Variants in TM6SF1 observed in about 807,000 individuals in gnomAD.
The protein encoded by TM6SF1 is transmembrane 6 superfamily member 1.
TM6SF1 carries 43 observed loss-of-function variants against 47.1 expected under a neutral mutation model. That is an observed-to-expected ratio of 0.91 (90% confidence interval 0.72 to 1.18). TM6SF1 has a LOEUF of 1.18. Among genes scored for constraint, TM6SF1 ranks in the 50% most tolerant of loss-of-function variants. TM6SF1 has a pLI of 0.00. For synonymous variants in TM6SF1, 177 were observed against 166.3 expected (o/e 1.06, Z -0.49); for missense variants, 390 against 449.0 (o/e 0.87, Z 1.19).
rs187676983 is a variant in TM6SF1, at chr15:83,112,127, C to T, written c.93-670C>T. ...GCCACTCCCTTTCCTGTAGAACATC[C>T]AGGGGATGTACTCAACTAAGCTTCA... is the stretch of plus-strand genomic sequence containing the variant. On this transcript the variant is annotated intron_variant, in intron 1 of 9. Coordinates refer to ENST00000322019, the MANE Select transcript of TM6SF1 (RefSeq NM_023003.5). Among the ~76,000 whole-genome samples the T allele has an allele frequency of 1.1e-4, 16 of 152,164 alleles. No individual in the cohort carries two copies. The East Asian group carries it at 3.1e-3, about 29-fold the overall frequency.
In TM6SF1 at chr15:83,125,431, A is replaced by T. The variant is rs559177934; in HGVS notation, c.708+655A>T. Among the ~76,000 whole-genome samples the T allele has an allele frequency of 3.2e-4, 48 of 152,336 alleles. No individual in the cohort carries two copies. The South Asian group carries it at 8.9e-3, about 28-fold the overall frequency. Reference sequence around the variant, plus strand: ...CCACTTACTAGCTGTGTGGCCTTGGAAAAACTACTTAACCTCTTGGACTCT... The same window carrying T: ...CCACTTACTAGCTGTGTGGCCTTGGTAAAACTACTTAACCTCTTGGACTCT... On this transcript the variant is annotated intron_variant, in intron 7 of 9. Transcript: ENST00000322019.
intron 1 of TM6SF1, among the ~76,000 whole-genome samples, chr15:83,108,692 C>T (rs1172552107): frequency 6.6e-6 from 1 of 152,192 alleles, no homozygotes; most frequent in African/African-American, 2.4e-5. Context: ...AAGTAACCTG[C>T]TATGTCTCTC....
At position 83,107,739 on chromosome 15, in the gene TM6SF1, C is replaced by G; in HGVS notation, c.59C>G (p.Thr20Ser). Residue 20 changes from threonine (T) to serine (S), a missense_variant, in exon 1 of 10, where the codon ACC becomes AGC. Coordinates refer to ENST00000322019, the MANE Select transcript of TM6SF1 (RefSeq NM_023003.5). This position sits in a 1 kb window ranked among gnomAD's most constrained non-coding sequence, Gnocchi z 5.6. ...FVLSLSAIPV[T>S]YVFNHLAAQH... Reference sequence around the variant, plus strand: ...CTGTCCCTCTCGGCCATCCCGGTCACCTATGTCTTCAACCACCTGGCGGCC... The same window carrying G: ...CTGTCCCTCTCGGCCATCCCGGTCAGCTATGTCTTCAACCACCTGGCGGCC... 1 of 1,584,418 alleles carries G rather than the reference C, an allele frequency of 6.3e-7. No homozygotes were observed. Among genetic ancestry groups the G allele is most frequent in the South Asian group, 1.1e-5 (1 of 87,624 alleles).
intron 7 of TM6SF1, among the ~76,000 whole-genome samples, chr15:83,125,230 T>C (rs1338564994): frequency 2.6e-5 from 4 of 152,208 alleles, no homozygotes; most frequent in Admixed American, 2.0e-4. Flanking sequence ...CATGGGAATG[T>C]CTCACTGGTA....
At chr15:83,115,122 C>CT (rs913490363) in intron 2 of TM6SF1, 3,056 of 146,438 alleles carry the variant, frequency 0.021, 38 homozygotes, top group Non-Finnish European at 0.031. Flanking sequence ...AAGTCATTGT[C>CT]TTTTTTTTTT....
At chr15:83,112,236 G>A (rs924998229) in intron 1 of TM6SF1, among the ~76,000 whole-genome samples, 3 of 152,178 alleles carry the variant, frequency 2.0e-5, no homozygotes, top group South Asian at 2.1e-4. Context: ...CTGGCCTCAG[G>A]TCTAGTCCAG....
chr15:83,127,876 C>T (rs1375679693), intron 9 of TM6SF1: 2 of 208,304 alleles, frequency 9.6e-6, no homozygotes, highest in Non-Finnish European at 1.9e-5. Context: ...TTCCACTACG[C>T]TATGCTATAC....
chr15:83,127,251 T>C (rs2151376498), intron 8 of TM6SF1, 107 bp from the exon 9 acceptor site: 2 of 1,167,904 alleles, frequency 1.7e-6, no homozygotes, highest in African/African-American at 1.6e-5. Flanking sequence ...ATATAGGAAA[T>C]AGGAATTAAT....
intron 1 of TM6SF1, among the ~76,000 whole-genome samples, chr15:83,108,478 G>A (rs1300641293): frequency 1.3e-5 from 2 of 152,122 alleles, no homozygotes; most frequent in Admixed American, 1.3e-4. Flanking sequence ...ACAGGCAGCA[G>A]AGGCAGAACA....
intron 6 of TM6SF1, among the ~76,000 whole-genome samples, chr15:83,123,479 C>G (rs1218693562): frequency 6.6e-6 from 1 of 152,136 alleles, no homozygotes; most frequent in African/African-American, 2.4e-5. Flanking sequence ...TTTTACTTTT[C>G]TAGGTATTAG....
At chr15:83,112,945 C>G in intron 2 of TM6SF1, 45 bp downstream of exon 2, 1 of 1,435,264 alleles carries the variant, frequency 7.0e-7, no homozygotes, top group East Asian at 2.3e-5. Flanking sequence ...ATTAATAACA[C>G]AATACTTTCA....
chr15:83,132,339 A>G (rs2036309673), intron 9 of TM6SF1: 1 of 152,228 alleles, frequency 6.6e-6, no homozygotes, highest in Non-Finnish European at 1.5e-5. Context: ...GAAAACAAAG[A>G]AACTGGGTGA....
chr15:83,107,836 G>A lies in TM6SF1; in HGVS notation c.92+64G>A. ...GGCGGGAGTTGGCTCGCCGCGACGG[G>A]AGCCTCGCAACTTTTCCGAGGGGGC... On this transcript the variant is annotated intron_variant, in intron 1 of 9. Transcript: ENST00000322019. The surrounding 1 kb of genome is among the most constrained non-coding windows in gnomAD (Gnocchi z 5.6). 1.3e-6 allele frequency: 2 copies of A among 1,514,272 alleles called. No individual in the cohort carries two copies. The highest frequency in any genetic ancestry group is 1.8e-6 in the Non-Finnish European group (2 of 1,130,958). The allele number at this position is 1,514,272 out of a possible 1,614,324, so 93.8% of individuals were successfully genotyped here. A position where few individuals can be genotyped will look rare whatever the true frequency, so the allele number is the denominator to read the frequency against.
chr15:83,127,602 T>G (rs1027655969), intron 9 of TM6SF1, 125 bp downstream of exon 9: 63 of 1,049,086 alleles, frequency 6.0e-5, no homozygotes, highest in Non-Finnish European at 8.7e-5. Flanking sequence ...CACCTTTTGT[T>G]TTGCAGTTCT....
intron 9 of TM6SF1, 43 bp from the exon 10 acceptor site, chr15:83,136,438 C>T (rs1483750978): frequency 6.6e-7 from 1 of 1,516,790 alleles, no homozygotes; most frequent in Non-Finnish European, 8.8e-7. Context: ...TCCAACTGAA[C>T]ACGTTTCATG....
At chr15:83,128,985 C>T (rs566832762) in intron 9 of TM6SF1, 8 of 152,254 alleles carry the variant, frequency 5.3e-5, no homozygotes, top group African/African-American at 1.9e-4. Flanking sequence ...CATACACCAC[C>T]GCACACAGCT....
chr15:83,122,351 TTACAAG>T lies in TM6SF1; in HGVS notation c.481+353_481+358del, dbSNP rs554248269. Among the ~76,000 whole-genome samples, 30 of 152,184 alleles carry T rather than the reference TTACAAG, an allele frequency of 2.0e-4. No homozygotes were observed. In the South Asian group the frequency reaches 5.4e-3, roughly 27 times the overall value. ...AGAACTCCAAAAATGTACTTGGAAA[TTACAAG>T]TACATTATTAATGTATGCAGGAAAT... On this transcript the variant is annotated intron_variant, in intron 5 of 9. Coordinates refer to ENST00000322019, the MANE Select transcript of TM6SF1 (RefSeq NM_023003.5).
rs775502808 is a variant in TM6SF1, at chr15:83,124,725, G to T, written c.657G>T (p.Met219Ile). Residue 219 changes from methionine (M) to isoleucine (I), a missense_variant, in exon 7 of 10, where the codon ATG (methionine) becomes ATT (isoleucine). By Grantham distance (10) the Met-to-Ile change is conservative. Coordinates refer to ENST00000322019, the MANE Select transcript of TM6SF1 (RefSeq NM_023003.5). ...TGCTGAGAAGACCATTTGATTTAAT[G>T]TTGGTTGTGTGTCTCCTCCTGGCAA... ...KDLLRRPFDL[M>I]LVVCLLLATG... is the part of the protein sequence containing the mutation. 1.9e-6 allele frequency: 3 copies of T among 1,614,138 alleles called. No homozygotes were observed. The South Asian group carries it at 3.3e-5, about 18-fold the overall frequency.
At chr15:83,113,354 C>T (rs1020540122) in intron 2 of TM6SF1, 1 of 163,498 alleles carries the variant, frequency 6.1e-6, no homozygotes, top group Non-Finnish European at 1.3e-5. Flanking sequence ...CTTGTATGAC[C>T]CTGAGCACTT....
Sources: gnomAD v4.1 joint callset for allele counts (sites outside exome capture counted in the v4.1 genomes callset) on GRCh38, gnomAD v4.1.1 for gene constraint, Gnocchi (gnomAD v3.1) non-coding constraint, MANE v1.5 for transcripts, NCBI Gene and HGNC (gene_info 2026-07-23, HGNC 2026-07-21) for gene names.